The following DGKI variants were observed in gnomAD, a reference collection of about 807,000 sequenced individuals.
DGKI encodes diacylglycerol kinase iota, also known as DAG kinase iota.
In DGKI, 55 loss-of-function variants were observed where a neutral mutation model predicts 147.5. The observed-to-expected ratio is 0.37, with a 90% CI of 0.30 to 0.47. The LOEUF is 0.47. Ranked by LOEUF, DGKI falls within the 20% of genes least tolerant of loss-of-function variation. The pLI is 1.00. For missense variants in DGKI, 1,007 were observed against 1,323.8 expected (o/e 0.76, Z 3.71); for synonymous variants, 469 against 477.1 (o/e 0.98, Z 0.22).
At chr7:137,561,282 G>A (rs1301140815) in intron 19 of DGKI, among the ~76,000 whole-genome samples, 1 of 152,146 alleles carries the variant, frequency 6.6e-6, no homozygotes, top group African/African-American at 2.4e-5. Flanking sequence ...GGATGAAACT[G>A]GAGAACATTA....
rs181588766 is a variant in DGKI at position 137,550,231 on chromosome 7, T to C, written c.2147+2138A>G. Among the ~76,000 whole-genome samples, 10 of 151,028 alleles carry C rather than the reference T, an allele frequency of 6.6e-5. 1 individual carries two copies. Among genetic ancestry groups the C allele is most frequent in the East Asian group, 1.9e-4 (1 of 5,138 alleles). On this transcript the variant is annotated intron_variant, in intron 20 of 32. Transcript: ENST00000614521. ...CCCAGGCTGGAGTGCAGTGGTGTGA[T>C]CTCGGCTCCATGAAACTTCTGCCTT...
intron 21 of DGKI, among the ~76,000 whole-genome samples, chr7:137,499,566 T>C (rs1466074386): frequency 6.6e-6 from 1 of 152,122 alleles, no homozygotes; most frequent in Non-Finnish European, 1.5e-5. Flanking sequence ...AATTCTTTCT[T>C]CTTGAGTTTG....
intron 25 of DGKI, 62 bp from the exon 26 acceptor site, chr7:137,466,097 G>A (rs1394168661): frequency 1.9e-6 from 3 of 1,583,378 alleles, no homozygotes; most frequent in African/African-American, 2.7e-5. Context: ...TTGGTCTCGA[G>A]GAATAATGAA....
intron 12 of DGKI, among the ~76,000 whole-genome samples, chr7:137,595,696 A>G (rs565869833): frequency 6.6e-6 from 1 of 152,084 alleles, no homozygotes; most frequent in South Asian, 2.1e-4. Flanking sequence ...CTTCCTCCAC[A>G]TATCTGCTGA....
chr7:137,426,496 A>T (rs1295511990), intron 28 of DGKI, among the ~76,000 whole-genome samples: 1 of 152,140 alleles, frequency 6.6e-6, no homozygotes, highest in Non-Finnish European at 1.5e-5. Flanking sequence ...ATCAACTAAC[A>T]AGCAAAATAA....
At chr7:137,647,328 T>C (rs191674480) in intron 5 of DGKI, among the ~76,000 whole-genome samples, 74 of 152,296 alleles carry the variant, frequency 4.9e-4, no homozygotes, top group Admixed American at 1.4e-3. Context: ...ACTCCTCCCT[T>C]GCATCACCTC....
chr7:137,756,212 T>C (rs752287902), intron 1 of DGKI, among the ~76,000 whole-genome samples: 14 of 152,162 alleles, frequency 9.2e-5, no homozygotes, highest in Non-Finnish European at 1.6e-4. Context: ...ATCTCATCAA[T>C]AATCCAGACA....
At chr7:137,688,225 G>A (rs1823489169) in intron 2 of DGKI, among the ~76,000 whole-genome samples, 1 of 152,120 alleles carries the variant, frequency 6.6e-6, no homozygotes, top group Admixed American at 6.5e-5. Flanking sequence ...GACCCTTGAA[G>A]GCAGAAACCG....
chr7:137,835,148 C>A (rs1206297268), intron 1 of DGKI, among the ~76,000 whole-genome samples: 2 of 152,164 alleles, frequency 1.3e-5, no homozygotes, highest in Non-Finnish European at 2.9e-5. Flanking sequence ...CATTTCAATA[C>A]CCTTAGCATT....
At chr7:137,513,584 C>T (rs1168280870) in intron 21 of DGKI, among the ~76,000 whole-genome samples, 2 of 152,100 alleles carry the variant, frequency 1.3e-5, no homozygotes, top group Non-Finnish European at 2.9e-5. Context: ...AGAAACATGT[C>T]GTTAGGTGAT....
intron 15 of DGKI, among the ~76,000 whole-genome samples, chr7:137,580,940 T>C (rs1231559223): frequency 1.3e-5 from 2 of 152,092 alleles, no homozygotes; most frequent in Non-Finnish European, 2.9e-5. Context: ...CATCCTAGCA[T>C]GGTTCTGGTT....
intron 25 of DGKI, 86 bp downstream of exon 25, chr7:137,466,816 T>C: frequency 7.0e-7 from 1 of 1,432,688 alleles, no homozygotes; most frequent in Non-Finnish European, 9.8e-7. Flanking sequence ...TGGTTTTCGT[T>C]AGAAAAATTT....
At chr7:137,422,132 C>A (rs1361182781) in intron 28 of DGKI, among the ~76,000 whole-genome samples, 1 of 152,130 alleles carries the variant, frequency 6.6e-6, no homozygotes, top group Admixed American at 6.5e-5. Context: ...TTGATAGTAA[C>A]GCTTAGATAA....
chr7:137,691,518 G>A (rs1423280954), intron 1 of DGKI, among the ~76,000 whole-genome samples: 3 of 152,162 alleles, frequency 2.0e-5, no homozygotes, highest in Non-Finnish European at 4.4e-5. Context: ...CATCACAAAT[G>A]AGTCCCCAAA....
intron 23 of DGKI, among the ~76,000 whole-genome samples, chr7:137,483,184 A>T (rs2128934559): frequency 6.6e-6 from 1 of 152,240 alleles, no homozygotes; most frequent in Admixed American, 6.5e-5. Flanking sequence ...GGCATAAAAA[A>T]ATATGGTACA....
At chr7:137,599,677 A>AT (rs2128989164) in intron 11 of DGKI, 146 bp downstream of exon 11, 1 of 638,138 alleles carries the variant, frequency 1.6e-6, no homozygotes. Context: ...AGAACTTTGG[A>AT]TGAAGTTTTA....
rs375528750 is a variant in DGKI, at chr7:137,478,101, T to C, written c.2373+7273A>G. ...GAGAGTTAAAAACCAAACAGAAGTCTAGAATTACGTACAATATCAAAACTG... is the reference window on the plus strand; with the variant it reads ...GAGAGTTAAAAACCAAACAGAAGTCCAGAATTACGTACAATATCAAAACTG... On this transcript the variant is annotated intron_variant, in intron 23 of 32. Transcript: ENST00000614521. Among the ~76,000 whole-genome samples the C allele has an allele frequency of 2.1e-4, 32 of 152,306 alleles. 1 individual carries two copies. Among genetic ancestry groups the C allele is most frequent in the African/African-American group, 7.7e-4 (32 of 41,574 alleles).
intron 6 of DGKI, among the ~76,000 whole-genome samples, chr7:137,630,745 G>T (rs561231596): frequency 6.6e-6 from 1 of 152,094 alleles, no homozygotes; most frequent in East Asian, 1.9e-4. Flanking sequence ...ATTTTTTTCA[G>T]ATAGTTAGTG....
At chr7:137,433,796 G>T (rs1270027165) in intron 28 of DGKI, among the ~76,000 whole-genome samples, 1 of 152,164 alleles carries the variant, frequency 6.6e-6, no homozygotes, top group Non-Finnish European at 1.5e-5. Context: ...CACCTTGTCT[G>T]ATGGCCCCTT....
Sources: gnomAD v4.1 joint callset for allele counts (sites outside exome capture counted in the v4.1 genomes callset) on GRCh38, gnomAD v4.1.1 for gene constraint, MANE v1.5 for transcripts, NCBI Gene and HGNC (gene_info 2026-07-23, HGNC 2026-07-21) for gene names.